The following UBE4B variants were observed in gnomAD, a reference collection of about 807,000 sequenced individuals.
UBE4B encodes the protein ubiquitination factor E4B.
In UBE4B, 27 loss-of-function variants were observed where a neutral mutation model predicts 148.1. The ratio of observed to expected loss-of-function variants is 0.18; its 90% CI spans 0.13 to 0.25. UBE4B has a LOEUF of 0.25. UBE4B is among the 10% of genes least tolerant of loss of function. The pLI is 1.00. For missense variants in UBE4B, 1,170 were observed against 1,662.4 expected (o/e 0.70, Z 5.15); for synonymous variants, 596 against 619.3 (o/e 0.96, Z 0.56).
At chr1:10,099,518 T>C (rs767633585) in intron 3 of UBE4B, among the ~76,000 whole-genome samples, 1 of 152,158 alleles carries the variant, frequency 6.6e-6, no homozygotes, top group South Asian at 2.1e-4. Flanking sequence ...TGGAGAGTAA[T>C]GAAAACTCAG....
chr1:10,037,188 C>T (rs868092617), intron 1 of UBE4B, among the ~76,000 whole-genome samples: 6 of 152,272 alleles, frequency 3.9e-5, no homozygotes, highest in Middle Eastern at 3.4e-3. Flanking sequence ...CCACCATACC[C>T]GGCTAATTTT....
intron 15 of UBE4B, among the ~76,000 whole-genome samples, 165 bp from the exon 16 acceptor site, chr1:10,134,823 C>A (rs1645651298): frequency 6.6e-6 from 1 of 151,776 alleles, no homozygotes; most frequent in Non-Finnish European, 1.5e-5. Flanking sequence ...CTTTAGGTCC[C>A]AGCTACTTGG....
intron 7 of UBE4B, 125 bp from the exon 8 acceptor site, chr1:10,117,334 C>A: frequency 8.1e-7 from 1 of 1,230,004 alleles, no homozygotes; most frequent in Non-Finnish European, 1.1e-6. Context: ...GGATCTTGGC[C>A]GCATGGGTGT....
intron 23 of UBE4B, among the ~76,000 whole-genome samples, chr1:10,164,956 G>A (rs1646224454): frequency 6.6e-6 from 1 of 152,076 alleles, no homozygotes; most frequent in South Asian, 2.1e-4. Context: ...TTAATGTCAG[G>A]GATGTACCCT....
intron 17 of UBE4B, among the ~76,000 whole-genome samples, chr1:10,138,710 C>T (rs140394892): frequency 2.1e-3 from 315 of 152,014 alleles, no homozygotes; most frequent in African/African-American, 6.9e-3. Flanking sequence ...TTGAAATTTC[C>T]ATCTTGTTTC....
intron 9 of UBE4B, among the ~76,000 whole-genome samples, chr1:10,120,706 C>T (rs1056925368): frequency 5.3e-5 from 8 of 151,788 alleles, no homozygotes; most frequent in African/African-American, 1.9e-4. Flanking sequence ...GGCATGGTGG[C>T]ACGCACCTGT....
intron 3 of UBE4B, among the ~76,000 whole-genome samples, chr1:10,097,652 A>G (rs1306199848): frequency 2.6e-5 from 4 of 152,092 alleles, no homozygotes; most frequent in Non-Finnish European, 5.9e-5. Flanking sequence ...TCTACTAAAA[A>G]TACAAAAATT....
intron 11 of UBE4B, among the ~76,000 whole-genome samples, chr1:10,127,307 C>G (rs1645517960): frequency 6.6e-6 from 1 of 152,088 alleles, no homozygotes; most frequent in African/African-American, 2.4e-5. Context: ...TGCAGAAAAT[C>G]TCAGTGTAGC....
intron 1 of UBE4B, among the ~76,000 whole-genome samples, chr1:10,050,078 G>A (rs546904455): frequency 6.6e-6 from 1 of 152,170 alleles, no homozygotes; most frequent in South Asian, 2.1e-4. Flanking sequence ...GATCTGAAAG[G>A]CTGGTTTTTT....
At chr1:10,066,972 G>A (rs1644397947) in intron 1 of UBE4B, among the ~76,000 whole-genome samples, 1 of 152,050 alleles carries the variant, frequency 6.6e-6, no homozygotes, top group Admixed American at 6.6e-5. Context: ...CAAAGAGAAA[G>A]TATTTCCAAT....
At position 10,171,308 on chromosome 1, in the gene UBE4B, G is replaced by A. The variant is rs1311063128; in HGVS notation, c.3504G>A (p.Ala1168=). 8 of 1,613,526 alleles carry A rather than the reference G, an allele frequency of 5.0e-6. No homozygotes were observed. Among genetic ancestry groups the A allele is most frequent in the South Asian group, 4.4e-5 (4 of 90,934 alleles). Residue 1168 remains alanine, a synonymous_variant, in exon 25 of 28, where the codon GCG becomes GCA. Coordinates refer to ENST00000343090, the MANE Select transcript of UBE4B (RefSeq NM_001105562.3). ...TACAGCTGGACTGTGCTCGGTTCGC[G>A]AAAGCCATTGCTGACGACCAGGTCA... ...IYLQLDCARF[A]KAIADDQRSY...
chr1:10,149,819 C>T (rs1184215670), intron 20 of UBE4B, among the ~76,000 whole-genome samples: 4 of 152,036 alleles, frequency 2.6e-5, no homozygotes, highest in East Asian at 1.9e-4. Flanking sequence ...ATGATAGCAC[C>T]TATGACTAGC....
At chr1:10,034,302 C>A (rs1643414479) in intron 1 of UBE4B, among the ~76,000 whole-genome samples, 1 of 152,148 alleles carries the variant, frequency 6.6e-6, no homozygotes, top group Non-Finnish European at 1.5e-5. Context: ...CTGTTACATT[C>A]TATCTTTTCC....
Position 10,126,804 on chromosome 1 carries a change from C to G in UBE4B, c.1565C>G (p.Pro522Arg), listed in dbSNP as rs748661352. Residue 522 changes from proline (P) to arginine (R), a missense_variant, in exon 11 of 28, where the codon CCC becomes CGC. This residue lies in a region of UBE4B where 388 missense variants were observed against 536.0 expected (regional missense o/e 0.72). Transcript: ENST00000343090. ...TTTTTTTTCTTATAGATATTTATCCCCATTTTACAAGGCCTGGCTCTTGCT... is the reference window on the plus strand; with the variant it reads ...TTTTTTTTCTTATAGATATTTATCCGCATTTTACAAGGCCTGGCTCTTGCT... ...DEEVFKQIFI[P>R]ILQGLALAAK... 1 of 1,613,586 alleles carries G rather than the reference C, an allele frequency of 6.2e-7. No homozygotes were observed. Among genetic ancestry groups the G allele is most frequent in the Admixed American group, 1.7e-5 (1 of 59,986 alleles).
At chr1:10,033,839 G>A (rs1011112406) in intron 1 of UBE4B, 145 bp downstream of exon 1, 41 of 819,094 alleles carry the variant, frequency 5.0e-5, no homozygotes, top group Non-Finnish European at 7.2e-5. Context: ...GTGACTCCCC[G>A]ATAGGGTCTC....
intron 23 of UBE4B, among the ~76,000 whole-genome samples, chr1:10,163,884 G>A (rs1050072369): frequency 6.0e-5 from 9 of 151,098 alleles, no homozygotes; most frequent in Admixed American, 5.3e-4. Flanking sequence ...GCACCACCAC[G>A]TCCGGCTAAT....
chr1:10,084,661 C>A (rs1335094361), intron 2 of UBE4B, among the ~76,000 whole-genome samples: 1 of 151,824 alleles, frequency 6.6e-6, no homozygotes, highest in East Asian at 1.9e-4. Context: ...TTCGCCATCT[C>A]CCTTTAGTTT....
chr1:10,095,335 G>T, intron 2 of UBE4B, 126 bp from the exon 3 acceptor site: 1 of 1,108,116 alleles, frequency 9.0e-7, no homozygotes, highest in Non-Finnish European at 1.3e-6. Context: ...TCTTCTGATA[G>T]AAATTCCTCG....
At chr1:10,148,116 A>C (rs1307662482) in intron 19 of UBE4B, among the ~76,000 whole-genome samples, 1 of 151,434 alleles carries the variant, frequency 6.6e-6, no homozygotes, top group African/African-American at 2.4e-5. Context: ...AGTCCCAGCT[A>C]CTCGGGAGGC....
Sources: gnomAD v4.1 joint callset for allele counts (sites outside exome capture counted in the v4.1 genomes callset) on GRCh38, gnomAD v4.1.1 for gene constraint, gnomAD v4.1.1 regional missense constraint, MANE v1.5 for transcripts, NCBI Gene and HGNC (gene_info 2026-07-23, HGNC 2026-07-21) for gene names.